The following DPP4 variants were observed in gnomAD, a reference collection of about 807,000 sequenced individuals.
The protein encoded by DPP4 is dipeptidyl peptidase 4, also known as ADCP-2.
Under a neutral mutation model 122.4 loss-of-function variants are expected in DPP4, and 93 were observed. The ratio of observed to expected loss-of-function variants is 0.76; its 90% confidence interval spans 0.64 to 0.90. The LOEUF (loss-of-function observed/expected upper bound fraction) is 0.90, where lower values mean the gene tolerates loss of function less well. DPP4 is among the 40% of genes least tolerant of loss of function. The pLI, the probability that DPP4 is intolerant of heterozygous loss-of-function variation, is 0.00. For missense variants in DPP4, 914 were observed against 907.3 expected, an observed-to-expected ratio of 1.01 and a Z score of -0.09; for synonymous variants, 321 against 302.9, an observed-to-expected ratio of 1.06 and a Z score of -0.62.
In DPP4 at chr2:162,014,391, C is replaced by G; in HGVS notation, c.1637+5G>C. 6.2e-7 allele frequency: 1 copy of G among 1,602,886 alleles called. No homozygotes were observed. Among genetic ancestry groups the G allele is most frequent in the Non-Finnish European group, 8.5e-7 (1 of 1,172,478 alleles). ...CTAAATTGCTCCCTTCTCTTGAATA[C>G]TTACACATCTAATAGTAGAGGATAT... is the stretch of plus-strand genomic sequence containing the variant. On this transcript the variant is annotated splice_donor_5th_base_variant and intron_variant, in intron 19 of 25. Coordinates refer to ENST00000360534, the MANE Select transcript of DPP4 (RefSeq NM_001935.4).
At chr2:162,032,037 C>T (rs1446820296) in intron 10 of DPP4, 4 of 152,160 alleles carry the variant, frequency 2.6e-5, no homozygotes, top group African/African-American at 9.7e-5. Context: ...TTACTAACCA[C>T]GGAGCACAGC....
At chr2:162,042,647 G>T (rs1481538811) in intron 5 of DPP4, among the ~76,000 whole-genome samples, 1 of 151,826 alleles carries the variant, frequency 6.6e-6, no homozygotes, top group Non-Finnish European at 1.5e-5. Flanking sequence ...AAGAAAAGTA[G>T]TAGAAGATAT....
rs1129599 is a variant in DPP4, at chr2:162,018,839, C to T, written c.1310G>A (p.Ser437Asn). ...GGRNLYKIQL[S>N]DYTKVTCLSC... ...GAGGCATGTCACTTTTGTATAGTCACTAAGTTGGATTCTGTAAAACCAACG... is the reference window on the plus strand; with the variant it reads ...GAGGCATGTCACTTTTGTATAGTCATTAAGTTGGATTCTGTAAAACCAACG... The change falls in exon 16 of 26, where the codon AGT (serine) becomes AAT (asparagine). Residue 437 changes from serine (S) to asparagine (N), a missense_variant. By Grantham distance (46) the Ser-to-Asn change is conservative. Transcript: ENST00000360534. 1 of 1,613,872 alleles carries T rather than the reference C, an allele frequency of 6.2e-7. No homozygotes were observed. Among genetic ancestry groups the T allele is most frequent in the African/African-American group, 1.3e-5 (1 of 74,886 alleles).
At chr2:161,994,739 G>A (rs1235925295) in intron 25 of DPP4, among the ~76,000 whole-genome samples, 3 of 152,120 alleles carry the variant, frequency 2.0e-5, no homozygotes, top group Admixed American at 2.0e-4. Context: ...GATACTCCCA[G>A]CATATGCGAT....
intron 5 of DPP4, 22 bp from the exon 6 acceptor site, chr2:162,039,206 T>C (rs1683901214): frequency 6.2e-7 from 1 of 1,610,266 alleles, no homozygotes. Flanking sequence ...AACAGACATT[T>C]CAGGCTTCTG....
chr2:161,995,004 A>T lies in DPP4; in HGVS notation c.2156T>A (p.Ile719Asn), dbSNP rs142229257. ...TCCAACATCGACCAGGGCTTTGGAG[A>T]TCTGAGCTGACTGCTGAAAGTGAAC... ...DNVHFQQSAQ[I>N]SKALVDVGVD... Residue 719 changes from isoleucine to asparagine, a missense_variant, in exon 25 of 26, where the codon ATC becomes AAC. Physicochemically the swap from Ile to Asn is moderately radical, Grantham distance 149 (BLOSUM62 -3). Transcript: ENST00000360534. 1 of 1,613,986 alleles carries T rather than the reference A, an allele frequency of 6.2e-7. No individual in the cohort carries two copies. Among genetic ancestry groups the T allele is most frequent in the African/African-American group, 1.3e-5 (1 of 74,990 alleles).
Position 162,014,456 on chromosome 2 carries a change from T to C in DPP4, c.1577A>G (p.Tyr526Cys), listed in dbSNP as rs1682840942. ...FIILNETKFW[Y>C]QMILPPHFDK... ...AAAATGAGGAGGCAAGATCATCTGATACCAAAATTCTAAACAAACAGAAAG... is the reference window on the plus strand; with the variant it reads ...AAAATGAGGAGGCAAGATCATCTGACACCAAAATTCTAAACAAACAGAAAG... Residue 526 changes from tyrosine (Y) to cysteine (C), a missense_variant, in exon 19 of 26, where the codon TAT (tyrosine) becomes TGT (cysteine). By Grantham distance (194) the Tyr-to-Cys change is radical. Coordinates refer to ENST00000360534, the MANE Select transcript of DPP4 (RefSeq NM_001935.4). 2 of 1,606,658 alleles carry C rather than the reference T, an allele frequency of 1.2e-6. No homozygotes were observed. Among genetic ancestry groups the C allele is most frequent in the African/African-American group, 1.3e-5 (1 of 74,628 alleles).
At chr2:162,051,244 T>G (rs567574631) in intron 2 of DPP4, among the ~76,000 whole-genome samples, 1 of 152,290 alleles carries the variant, frequency 6.6e-6, no homozygotes, top group African/African-American at 2.4e-5. Flanking sequence ...GAATCCTTGC[T>G]GTAGTGTCAA....
intron 2 of DPP4, among the ~76,000 whole-genome samples, chr2:162,071,230 C>T (rs1685104618): frequency 6.6e-6 from 1 of 152,208 alleles, no homozygotes; most frequent in African/African-American, 2.4e-5. Flanking sequence ...TAATCCCTAA[C>T]ACAGGATGTG....
At chr2:162,073,930 AG>A in intron 1 of DPP4, 45 bp downstream of exon 1, 1 of 1,608,114 alleles carries the variant, frequency 6.2e-7, no homozygotes, top group Non-Finnish European at 8.5e-7. Context: ...TTTGGCGAAG[AG>A]GTCCCCACAG....
intron 25 of DPP4, among the ~76,000 whole-genome samples, chr2:161,993,853 T>A (rs1021458360): frequency 6.6e-6 from 1 of 151,732 alleles, no homozygotes; most frequent in African/African-American, 2.4e-5. Context: ...TGATTTTTTT[T>A]AAAGCAATAT....
At chr2:162,030,471 G>A (rs893387038) in intron 10 of DPP4, among the ~76,000 whole-genome samples, 2 of 152,316 alleles carry the variant, frequency 1.3e-5, no homozygotes, top group Non-Finnish European at 2.9e-5. Flanking sequence ...AAACTAATGA[G>A]GGTAACATGG....
chr2:162,045,607 C>A lies in DPP4; in HGVS notation c.291G>T (p.Glu97Asp). The change falls in exon 5 of 26, where the codon GAG becomes GAT. Residue 97 changes from glutamate to aspartate, a missense_variant. Coordinates refer to ENST00000360534, the MANE Select transcript of DPP4 (RefSeq NM_001935.4). ...AATAATCATTGATAGAATGTCCAAA[C>A]TCATCCTGTCAAACAAGAAGAACAA... Reference protein sequence around the residue: ...SVFLENSTFDEFGHSINDYSI... With the variant: ...SVFLENSTFDDFGHSINDYSI... 1 of 1,610,822 alleles carries A rather than the reference C, an allele frequency of 6.2e-7. No individual in the cohort carries two copies. The highest frequency in any genetic ancestry group is 8.5e-7 in the Non-Finnish European group (1 of 1,177,460).
At chr2:162,008,754 T>C (rs1273514805) in intron 21 of DPP4, 93 bp from the exon 22 acceptor site, 2 of 1,101,224 alleles carry the variant, frequency 1.8e-6, no homozygotes, top group African/African-American at 1.5e-5. Flanking sequence ...CATCTTTATA[T>C]ACTGTGCCTC....
chr2:162,013,923 T>C (rs1277717584), intron 19 of DPP4, among the ~76,000 whole-genome samples: 4 of 152,198 alleles, frequency 2.6e-5, no homozygotes, highest in Admixed American at 6.5e-5. Context: ...AAGTTTTTAA[T>C]AGCGAACGCT....
chr2:162,020,744 C>G (rs2106102149), intron 12 of DPP4, 56 bp from the exon 13 acceptor site: 1 of 1,338,246 alleles, frequency 7.5e-7, no homozygotes, highest in Non-Finnish European at 1.0e-6. Flanking sequence ...ATCTCAGTAC[C>G]AACTTTAGTT....
At chr2:162,059,666 T>A (rs558934110) in intron 2 of DPP4, among the ~76,000 whole-genome samples, 152 of 152,306 alleles carry the variant, frequency 1.0e-3, no homozygotes, top group African/African-American at 3.5e-3. Context: ...CGAAGATTTA[T>A]AAGTGTAATC....
Position 162,019,242 on chromosome 2 carries a change from CT to C in DPP4, c.1278del (p.Gly427GlufsTer16). 1 of 1,596,214 alleles carries C rather than the reference CT, an allele frequency of 6.3e-7. No individual in the cohort carries two copies. The highest frequency in any genetic ancestry group is 8.6e-7 in the Non-Finnish European group (1 of 1,167,200). Reference sequence around the variant, plus strand: ...TCTTACTTATAAAGATTCCTTCCTCCTGGCATTCCTTTATATTCATTACTAA... The same window carrying C: ...TCTTACTTATAAAGATTCCTTCCTCCGGCATTCCTTTATATTCATTACTAA... ...YYISNEYKGM[P>X]GGRNLYKIQL... is the part of the protein sequence containing the mutation. On this transcript the variant is annotated frameshift_variant, in exon 15 of 26. Transcript: ENST00000360534. LOFTEE classifies it high-confidence loss of function.
intron 12 of DPP4, chr2:162,021,443 T>G (rs1203014497): frequency 6.6e-6 from 1 of 152,220 alleles, no homozygotes; most frequent in Non-Finnish European, 1.5e-5. Context: ...GTTTACGATT[T>G]TGATTTCCTA....
Sources: gnomAD v4.1 joint callset for allele counts (sites outside exome capture counted in the v4.1 genomes callset) on GRCh38, gnomAD v4.1.1 for gene constraint, MANE v1.5 for transcripts, NCBI Gene and HGNC (gene_info 2026-07-23, HGNC 2026-07-21) for gene names.